The following TMEM132B variants were observed in gnomAD, a reference collection of about 807,000 sequenced individuals.
TMEM132B encodes the protein transmembrane protein 132B.
A neutral mutation model predicts 90.8 loss-of-function variants in TMEM132B; 18 were observed. The observed-to-expected ratio is 0.20, with a 90% CI of 0.14 to 0.29. TMEM132B has a LOEUF of 0.29. TMEM132B is among the 10% of genes least tolerant of loss of function. The pLI is 1.00. For missense variants in TMEM132B, 1,096 were observed against 1,326.8 expected (o/e 0.83, Z 2.70); for synonymous variants, 504 against 523.3 (o/e 0.96, Z 0.50).
At chr12:125,373,996 T>A (rs1051381401) in intron 2 of TMEM132B, among the ~76,000 whole-genome samples, 2 of 152,204 alleles carry the variant, frequency 1.3e-5, no homozygotes, top group African/African-American at 4.8e-5. Flanking sequence ...GCTTTTGCCA[T>A]GTTAGCCAGA....
chr12:125,317,650 C>T (rs1191939332), intron 1 of TMEM132B, among the ~76,000 whole-genome samples: 2 of 152,130 alleles, frequency 1.3e-5, no homozygotes, highest in East Asian at 1.9e-4. Flanking sequence ...TGGAGTCTCC[C>T]GCCTGTTGAC....
At chr12:125,431,244 C>T (rs1371966113) in intron 3 of TMEM132B, among the ~76,000 whole-genome samples, 2 of 152,076 alleles carry the variant, frequency 1.3e-5, no homozygotes, top group African/African-American at 4.8e-5. Flanking sequence ...GGGCTATCGC[C>T]ATCATCCAGG....
chr12:125,652,686 A>G, intron 8 of TMEM132B, 54 bp downstream of exon 8: 1 of 1,548,904 alleles, frequency 6.5e-7, no homozygotes, highest in South Asian at 1.2e-5. Context: ...CTTCTCTCTC[A>G]GTTAGCACAT....
intron 5 of TMEM132B, 134 bp from the exon 6 acceptor site, chr12:125,643,942 A>G (rs1416994687): frequency 5.5e-6 from 4 of 730,568 alleles, no homozygotes; most frequent in Admixed American, 4.9e-5. Context: ...TACCTTTTGT[A>G]CAAGTTCTGT....
At chr12:125,551,734 CTT>C (rs1409287815) in intron 4 of TMEM132B, among the ~76,000 whole-genome samples, 1 of 152,054 alleles carries the variant, frequency 6.6e-6, no homozygotes, top group Non-Finnish European at 1.5e-5. Flanking sequence ...TTTATTCTCT[CTT>C]ATGCAAGGGC....
chr12:125,424,749 C>A (rs1273060104), intron 3 of TMEM132B, among the ~76,000 whole-genome samples: 1 of 152,124 alleles, frequency 6.6e-6, no homozygotes, highest in Admixed American at 6.5e-5. Context: ...TATTCAGAGA[C>A]TCTTCCTGCA....
rs199619853 is a variant in TMEM132B, at chr12:125,326,673, G to A, written c.68-22779G>A. ...GACACCACTGCTGTCTGCACCGGGGGAGGTCGGAAGGAAGGGAATGGCCTG... is the reference window on the plus strand; with the variant it reads ...GACACCACTGCTGTCTGCACCGGGGAAGGTCGGAAGGAAGGGAATGGCCTG... On this transcript the variant is annotated intron_variant, in intron 1 of 8. Coordinates refer to ENST00000682704, the MANE Select transcript of TMEM132B (RefSeq NM_001366854.1). 1.5e-4 allele frequency: 237 copies of A among 1,606,322 alleles called. No individual in the cohort carries two copies. Among genetic ancestry groups the A allele is most frequent in the Non-Finnish European group, 2.0e-4 (232 of 1,177,442 alleles).
At chr12:125,639,652 A>G (rs1886578979) in intron 5 of TMEM132B, among the ~76,000 whole-genome samples, 1 of 152,246 alleles carries the variant, frequency 6.6e-6, no homozygotes, top group South Asian at 2.1e-4. Flanking sequence ...TGCAATTAAT[A>G]CAGTTTAAGT....
intron 1 of TMEM132B, among the ~76,000 whole-genome samples, chr12:125,287,548 C>CAA (rs1243217255): frequency 3.9e-5 from 6 of 152,138 alleles, no homozygotes; most frequent in Non-Finnish European, 5.9e-5. Context: ...TCTCCCTGCC[C>CAA]AAATAACCTC....
chr12:125,198,903 G>T (rs1342831074), intron 1 of TMEM132B, among the ~76,000 whole-genome samples: 4 of 152,168 alleles, frequency 2.6e-5, no homozygotes, highest in Admixed American at 1.3e-4. Context: ...TTTATTGTGT[G>T]TGTGACCTCT....
chr12:125,422,237 A>C (rs1051575291), intron 3 of TMEM132B, among the ~76,000 whole-genome samples: 1 of 152,230 alleles, frequency 6.6e-6, no homozygotes, highest in Non-Finnish European at 1.5e-5. Context: ...CCCATTTAAC[A>C]GATGTGTAAA....
chr12:125,473,296 AC>A (rs1392586362), intron 3 of TMEM132B, among the ~76,000 whole-genome samples: 2 of 151,498 alleles, frequency 1.3e-5, no homozygotes, highest in Admixed American at 1.3e-4. Flanking sequence ...CAAAAGGCCC[AC>A]CCCCCACCAT....
intron 1 of TMEM132B, among the ~76,000 whole-genome samples, chr12:125,286,734 C>T (rs913652946): frequency 1.3e-5 from 2 of 151,812 alleles, no homozygotes; most frequent in African/African-American, 4.8e-5. Flanking sequence ...GATGAGGTCT[C>T]ACTCTGTCGC....
At position 125,657,744 on chromosome 12, in the gene TMEM132B, A is replaced by T. The variant is rs572000623; in HGVS notation, c.*3034A>T. The T allele has an allele frequency of 6.6e-6, 1 of 152,268 alleles. No homozygotes were observed. Among genetic ancestry groups the T allele is most frequent in the East Asian group, 1.9e-4 (1 of 5,182 alleles). The allele number at this position is 152,268 out of a possible 1,614,324, so 9.4% of individuals were successfully genotyped here. A position where few individuals can be genotyped will look rare whatever the true frequency, so the allele number is the denominator to read the frequency against. ...CATTTATAAAGTCCCTTCCTCTCCC[A>T]TGGGAATGGAATGCTCAGACTCCTG... On this transcript the variant is annotated 3_prime_UTR_variant, in exon 9 of 9. Coordinates refer to ENST00000682704, the MANE Select transcript of TMEM132B (RefSeq NM_001366854.1).
At chr12:125,583,716 G>GCTTTGTCC (rs1338428901) in intron 4 of TMEM132B, 135 bp from the exon 5 acceptor site, 21 of 1,056,624 alleles carry the variant, frequency 2.0e-5, no homozygotes, top group Non-Finnish European at 1.4e-6. Context: ...GAGCTTTGTG[G>GCTTTGTCC]CTTTGTCCCT....
intron 1 of TMEM132B, among the ~76,000 whole-genome samples, chr12:125,211,419 C>G (rs1347799530): frequency 1.3e-5 from 2 of 152,202 alleles, no homozygotes; most frequent in African/African-American, 2.4e-5. Flanking sequence ...GCTACCTCCC[C>G]AAAGTCAGCC....
intron 1 of TMEM132B, chr12:125,326,522 C>T: frequency 2.2e-6 from 3 of 1,342,608 alleles, no homozygotes; most frequent in Admixed American, 4.1e-5. Flanking sequence ...TAAACATCGG[C>T]TTAATGCTGT....
intron 6 of TMEM132B, among the ~76,000 whole-genome samples, chr12:125,644,601 TACTC>T (rs1472787962): frequency 1.3e-5 from 2 of 152,174 alleles, no homozygotes; most frequent in Non-Finnish European, 2.9e-5. Context: ...TTCTATTCCT[TACTC>T]ACTTCTTTAT....
At chr12:125,619,196 G>A (rs548487466) in intron 5 of TMEM132B, among the ~76,000 whole-genome samples, 6 of 152,190 alleles carry the variant, frequency 3.9e-5, no homozygotes, top group African/African-American at 7.2e-5. Context: ...ATTGGTACTC[G>A]GAATCTCTGT....
Sources: gnomAD v4.1 joint callset for allele counts (sites outside exome capture counted in the v4.1 genomes callset) on GRCh38, gnomAD v4.1.1 for gene constraint, MANE v1.5 for transcripts, NCBI Gene and HGNC (gene_info 2026-07-23, HGNC 2026-07-21) for gene names.